The following CSMD2 variants were observed in gnomAD, a reference collection of about 807,000 sequenced individuals.
CSMD2 encodes the protein CUB and Sushi multiple domains 2.
Under a neutral mutation model 398.5 loss-of-function variants are expected in CSMD2, and 130 were observed. The observed-to-expected ratio is 0.33, with a 90% CI of 0.28 to 0.38. CSMD2 has a LOEUF of 0.38. CSMD2 is among the 10% of genes least tolerant of loss of function. The pLI, the probability that CSMD2 is intolerant of heterozygous loss-of-function variation, is 1.00. For synonymous variants in CSMD2, 1,828 were observed against 1,908.5 expected, an observed-to-expected ratio of 0.96 and a Z score of 1.10; for missense variants, 3,829 against 4,764.9, an observed-to-expected ratio of 0.80 and a Z score of 5.78.
intron 25 of CSMD2, among the ~76,000 whole-genome samples, chr1:33,674,322 A>T (rs1644621394): frequency 6.6e-6 from 1 of 152,222 alleles, no homozygotes; most frequent in South Asian, 2.1e-4. Flanking sequence ...TCTCTGATAA[A>T]ACAGACTTTG....
intron 10 of CSMD2, among the ~76,000 whole-genome samples, chr1:33,800,985 T>C (rs1655535683): frequency 1.7e-5 from 2 of 117,498 alleles, no homozygotes; most frequent in South Asian, 6.4e-4. Context: ...AGTGAACAAA[T>C]GGGCCAACGA....
At chr1:33,906,128 G>A (rs930065891) in intron 5 of CSMD2, among the ~76,000 whole-genome samples, 9 of 152,196 alleles carry the variant, frequency 5.9e-5, no homozygotes, top group Non-Finnish European at 1.0e-4. Context: ...CACTCCCACT[G>A]GTCCATCACA....
At chr1:34,057,795 T>G (rs1388509592) in intron 2 of CSMD2, among the ~76,000 whole-genome samples, 1 of 152,190 alleles carries the variant, frequency 6.6e-6, no homozygotes, top group Admixed American at 6.5e-5. Flanking sequence ...TAAAAACAAC[T>G]ACCCACCTTG....
At chr1:33,847,965 C>T (rs977562918) in intron 5 of CSMD2, among the ~76,000 whole-genome samples, 6 of 152,234 alleles carry the variant, frequency 3.9e-5, no homozygotes, top group Non-Finnish European at 8.8e-5. Context: ...CAGCTTCTAA[C>T]ACCATACTGG....
intron 2 of CSMD2, among the ~76,000 whole-genome samples, chr1:34,054,017 C>T (rs746100783): frequency 6.6e-6 from 1 of 152,110 alleles, no homozygotes; most frequent in Admixed American, 6.5e-5. Context: ...ATAAAAGCTG[C>T]AAAAATGGCA....
At position 33,965,162 on chromosome 1, in the gene CSMD2, G is replaced by T. The variant is rs573013426; in HGVS notation, c.518-29208C>A. 2.0e-5 allele frequency among the ~76,000 whole-genome samples: 3 copies of T among 152,270 alleles called. No individual in the cohort carries two copies. The East Asian group carries it at 5.8e-4, about 29-fold the overall frequency. On this transcript the variant is annotated intron_variant, in intron 3 of 70. Transcript: ENST00000373381. ...ATCAAAGTCACCCAGGATGGGGTTA[G>T]AATTCTTCTCTCCACTCATCCTCTT...
chr1:33,994,726 T>A (rs892342541), intron 3 of CSMD2, among the ~76,000 whole-genome samples: 8 of 152,136 alleles, frequency 5.3e-5, no homozygotes, highest in Non-Finnish European at 1.2e-4. Flanking sequence ...GGCCCAGGAA[T>A]CTAATCTCAT....
At chr1:33,776,533 A>G (rs1651993116) in intron 12 of CSMD2, among the ~76,000 whole-genome samples, 1 of 152,326 alleles carries the variant, frequency 6.6e-6, no homozygotes, top group East Asian at 1.9e-4. Flanking sequence ...AATCATGCCT[A>G]GATGGATTGC....
intron 47 of CSMD2, 53 bp downstream of exon 47, chr1:33,583,589 A>C: frequency 1.9e-6 from 3 of 1,558,876 alleles, no homozygotes; most frequent in Non-Finnish European, 2.6e-6. Flanking sequence ...CGGGTTCTGG[A>C]GCAAGTCCAT....
At chr1:33,717,048 A>G (rs1646195215) in intron 19 of CSMD2, among the ~76,000 whole-genome samples, 1 of 152,146 alleles carries the variant, frequency 6.6e-6, no homozygotes, top group East Asian at 1.9e-4. Context: ...ATTGACATGG[A>G]TCTTAAAAGG....
intron 3 of CSMD2, among the ~76,000 whole-genome samples, chr1:33,946,389 T>G (rs188738782): frequency 3.3e-5 from 5 of 152,344 alleles, no homozygotes; most frequent in Admixed American, 2.0e-4. Flanking sequence ...CTTTCCAGGT[T>G]AATGTGAAAA....
chr1:33,788,551 GTCTC>G (rs750756084), intron 12 of CSMD2, 45 bp downstream of exon 12: 3 of 946,262 alleles, frequency 3.2e-6, no homozygotes, highest in Non-Finnish European at 5.1e-6. Context: ...TCCAGACCCC[GTCTC>G]TGACTCCCAG....
rs1208515671 is a variant in CSMD2 at position 33,661,600 on chromosome 1, T to A, written c.4255+1290A>T. Among the ~76,000 whole-genome samples, 6 of 152,206 alleles carry A rather than the reference T, an allele frequency of 3.9e-5. No homozygotes were observed. The East Asian group carries it at 1.2e-3, about 29-fold the overall frequency. ...ACTTCTTTTTTCTTGCAATATCAATTAGTATTCCATGGAACTCTTAGGAAT... is the reference window on the plus strand; with the variant it reads ...ACTTCTTTTTTCTTGCAATATCAATAAGTATTCCATGGAACTCTTAGGAAT... On this transcript the variant is annotated intron_variant, in intron 26 of 70. Coordinates refer to ENST00000373381, the MANE Select transcript of CSMD2 (RefSeq NM_001281956.2).
At chr1:34,053,476 T>C (rs1653454351) in intron 2 of CSMD2, among the ~76,000 whole-genome samples, 1 of 152,158 alleles carries the variant, frequency 6.6e-6, no homozygotes, top group South Asian at 2.1e-4. Context: ...GGTTAATATG[T>C]AATGGTGTGT....
At chr1:33,660,998 T>A (rs1472671702) in intron 26 of CSMD2, among the ~76,000 whole-genome samples, 1 of 151,854 alleles carries the variant, frequency 6.6e-6, no homozygotes, top group Admixed American at 6.6e-5. Flanking sequence ...AATGGGGAGA[T>A]TAGGAGGCAG....
intron 2 of CSMD2, among the ~76,000 whole-genome samples, chr1:34,088,540 C>T (rs1220266761): frequency 2.6e-5 from 4 of 152,206 alleles, no homozygotes; most frequent in Non-Finnish European, 4.4e-5. Flanking sequence ...TCTACATCCA[C>T]AACCAAGGCC....
At chr1:33,672,290 T>C (rs12409171) in intron 25 of CSMD2, among the ~76,000 whole-genome samples, 24,552 of 152,092 alleles carry the variant, frequency 0.16, 2,208 homozygotes, top group Admixed American at 0.24. Flanking sequence ...GCTTTTCCAA[T>C]GGGCTTAACA....
At chr1:34,139,101 G>C (rs981805637) in intron 1 of CSMD2, among the ~76,000 whole-genome samples, 1 of 152,130 alleles carries the variant, frequency 6.6e-6, no homozygotes, top group East Asian at 1.9e-4. Flanking sequence ...TTGAATGTTT[G>C]TCCCATCCAA....
At chr1:33,841,561 A>G (rs558987053) in intron 6 of CSMD2, among the ~76,000 whole-genome samples, 1 of 152,252 alleles carries the variant, frequency 6.6e-6, no homozygotes, top group Admixed American at 6.5e-5. Context: ...TCTTCTCACC[A>G]TCATTTCCAT....
Sources: allele counts gnomAD v4.1 joint callset (sites outside exome capture counted in the v4.1 genomes callset), GRCh38; gene constraint gnomAD v4.1.1; transcripts MANE v1.5; gene names NCBI Gene and HGNC (gene_info 2026-07-23, HGNC 2026-07-21).